Variants in PRKCQ observed in about 807,000 individuals in gnomAD.
PRKCQ encodes the protein protein kinase C theta type.
PRKCQ carries 41 observed loss-of-function variants against 91.2 expected under a neutral mutation model. The observed-to-expected ratio is 0.45, with a 90% confidence interval of 0.35 to 0.58. The LOEUF (loss-of-function observed/expected upper bound fraction) is 0.58, where lower values mean the gene tolerates loss of function less well. PRKCQ is among the 20% of genes least tolerant of loss of function. The pLI, the probability that PRKCQ is intolerant of heterozygous loss-of-function variation, is 0.00. For synonymous variants in PRKCQ, 307 were observed against 316.9 expected, an observed-to-expected ratio of 0.97 and a Z score of 0.33; for missense variants, 673 against 896.5, an observed-to-expected ratio of 0.75 and a Z score of 3.18.
chr10:6,489,684 C>G (rs1395163137), intron 8 of PRKCQ, among the ~76,000 whole-genome samples: 1 of 147,314 alleles, frequency 6.8e-6, no homozygotes, highest in Admixed American at 6.8e-5. Context: ...GTGTCAGAAG[C>G]AAGAATGGAA....
chr10:6,495,139 C>A (rs1387126636), intron 7 of PRKCQ, among the ~76,000 whole-genome samples: 2 of 152,226 alleles, frequency 1.3e-5, no homozygotes, highest in Non-Finnish European at 2.9e-5. Flanking sequence ...AAACCACCAA[C>A]CTCCCCGCTT....
chr10:6,483,032 T>C (rs1245512029), intron 11 of PRKCQ, among the ~76,000 whole-genome samples: 4 of 151,966 alleles, frequency 2.6e-5, no homozygotes, highest in Non-Finnish European at 5.9e-5. Context: ...TGGAAGATAT[T>C]TAATAGAGAG....
At chr10:6,421,893 A>G in the PRKCQ span, among the ~76,000 whole-genome samples, 4 of 152,212 alleles carry the variant, frequency 2.6e-5, no homozygotes, top group South Asian at 2.1e-4. This position sits in a 1 kb window ranked among gnomAD's most constrained non-coding sequence, Gnocchi z 4.1. Flanking sequence ...ACACATTGAC[A>G]TGGAGGGTAG....
chr10:6,428,597 G>T (rs756914822), intron 17 of PRKCQ, among the ~76,000 whole-genome samples: 2 of 152,048 alleles, frequency 1.3e-5, no homozygotes, highest in Non-Finnish European at 2.9e-5. Context: ...GAAAGACTAC[G>T]ACTGTAGACA....
intron 1 of PRKCQ, among the ~76,000 whole-genome samples, chr10:6,551,525 T>C (rs1840184095): frequency 6.6e-6 from 1 of 151,836 alleles, no homozygotes; most frequent in African/African-American, 2.4e-5. Flanking sequence ...GCCTCCTGAG[T>C]AGCTGGGACT....
At chr10:6,518,208 A>G (rs1430788038) in intron 1 of PRKCQ, among the ~76,000 whole-genome samples, 2 of 152,244 alleles carry the variant, frequency 1.3e-5, no homozygotes, top group Non-Finnish European at 2.9e-5. Flanking sequence ...AAGAAAAGAA[A>G]TATATGCAAT....
the PRKCQ span, among the ~76,000 whole-genome samples, chr10:6,412,294 T>C: frequency 6.6e-6 from 1 of 152,240 alleles, no homozygotes; most frequent in African/African-American, 2.4e-5. Flanking sequence ...TTTAGTTATC[T>C]TCGAATTCGC....
rs181550065 is a variant in PRKCQ at position 6,497,156 on chromosome 10, C to G, written c.575-36G>C. On this transcript the variant is annotated intron_variant, in intron 6 of 17. Coordinates refer to ENST00000263125, the MANE Select transcript of PRKCQ (RefSeq NM_006257.5). This position sits in a 1 kb window ranked among gnomAD's most constrained non-coding sequence, Gnocchi z 4.5. ...GAAAAAAATCACAGCTTAAGATTTTCATAGCCTAAGGAATAACTAAATAAA... is the reference window on the plus strand; with the variant it reads ...GAAAAAAATCACAGCTTAAGATTTTGATAGCCTAAGGAATAACTAAATAAA... The G allele has an allele frequency of 9.1e-5, 147 of 1,613,774 alleles. No individual in the cohort carries two copies. In the East Asian group the frequency reaches 2.3e-3, roughly 25 times the overall value.
intron 1 of PRKCQ, among the ~76,000 whole-genome samples, chr10:6,541,583 C>A (rs1286920056): frequency 6.6e-6 from 1 of 152,132 alleles, no homozygotes; most frequent in East Asian, 1.9e-4. Flanking sequence ...AAATCATGTT[C>A]TCTCACTGGT....
intron 15 of PRKCQ, among the ~76,000 whole-genome samples, chr10:6,454,357 G>C (rs955035577): frequency 6.6e-6 from 1 of 152,152 alleles, no homozygotes; most frequent in African/African-American, 2.4e-5. Context: ...TCTGCACTAG[G>C]GTAACAGCAG....
chr10:6,555,847 T>TA (rs1347254387), intron 1 of PRKCQ, among the ~76,000 whole-genome samples: 1 of 151,854 alleles, frequency 6.6e-6, no homozygotes, highest in Non-Finnish European at 1.5e-5. Context: ...ACGTCTCTAC[T>TA]AAAAAAACAA....
chr10:6,414,971 ATT>A, the PRKCQ span, among the ~76,000 whole-genome samples: 1 of 150,888 alleles, frequency 6.6e-6, no homozygotes, highest in Non-Finnish European at 1.5e-5. Flanking sequence ...TTTTAATTTA[ATT>A]TTTTTTTGAG....
chr10:6,484,586 A>G (rs1351147648), intron 10 of PRKCQ, among the ~76,000 whole-genome samples: 1 of 152,178 alleles, frequency 6.6e-6, no homozygotes, highest in Non-Finnish European at 1.5e-5. Flanking sequence ...CCCTGCCTAC[A>G]ATAGTCTCTA....
chr10:6,394,631 C>T, the PRKCQ span, among the ~76,000 whole-genome samples: 3 of 148,698 alleles, frequency 2.0e-5, no homozygotes, highest in South Asian at 2.1e-4. Flanking sequence ...TACGCCAAAT[C>T]GTCAGACGTG....
chr10:6,572,425 C>T (rs956886388), intron 1 of PRKCQ, among the ~76,000 whole-genome samples: 1 of 152,134 alleles, frequency 6.6e-6, no homozygotes, highest in African/African-American at 2.4e-5. Context: ...TGTTGTTCCC[C>T]TCCCTGTGTC....
At chr10:6,477,814 G>A (rs1836353101) in intron 12 of PRKCQ, among the ~76,000 whole-genome samples, 3 of 152,230 alleles carry the variant, frequency 2.0e-5, no homozygotes, top group Admixed American at 2.0e-4. Flanking sequence ...GTTGCAGTGA[G>A]CTGAGATCAC....
intron 8 of PRKCQ, among the ~76,000 whole-genome samples, chr10:6,486,942 G>A (rs537495417): frequency 2.0e-5 from 3 of 152,290 alleles, no homozygotes; most frequent in Non-Finnish European, 2.9e-5. Flanking sequence ...GAGAGGTCAC[G>A]GCAGAACACA....
chr10:6,528,374 C>T (rs2130894355), intron 1 of PRKCQ, among the ~76,000 whole-genome samples: 1 of 152,280 alleles, frequency 6.6e-6, no homozygotes, highest in East Asian at 1.9e-4. Flanking sequence ...TCTGCACTAT[C>T]CTTGGCCATG....
At chr10:6,506,941 T>C (rs922078461) in intron 4 of PRKCQ, among the ~76,000 whole-genome samples, 5 of 152,220 alleles carry the variant, frequency 3.3e-5, no homozygotes, top group Non-Finnish European at 7.3e-5. Context: ...CCTTTAGCAA[T>C]GTGTTTTCTC....
Sources: allele counts gnomAD v4.1 joint callset (sites outside exome capture counted in the v4.1 genomes callset), GRCh38; gene constraint gnomAD v4.1.1; non-coding constraint Gnocchi (gnomAD v3.1); transcripts MANE v1.5; gene names NCBI Gene and HGNC (gene_info 2026-07-23, HGNC 2026-07-21).